The following PTPRZ1 variants were observed in gnomAD, a reference collection of about 807,000 sequenced individuals.
PTPRZ1 encodes receptor-type tyrosine-protein phosphatase zeta.
In PTPRZ1, 82 loss-of-function variants were observed where a neutral mutation model predicts 214.1. The observed-to-expected ratio is 0.38, with a 90% CI of 0.32 to 0.46. PTPRZ1 has a LOEUF of 0.46. Among genes scored for constraint, PTPRZ1 ranks in the 20% least tolerant of loss-of-function variants. The pLI, the probability that PTPRZ1 is intolerant of heterozygous loss-of-function variation, is 1.00. For missense variants in PTPRZ1, 2,603 were observed against 2,748.7 expected (o/e 0.95, Z 1.19); for synonymous variants, 945 against 987.9 (o/e 0.96, Z 0.81).
At chr7:121,965,225 G>T (rs1797009422) in intron 2 of PTPRZ1, among the ~76,000 whole-genome samples, 1 of 152,104 alleles carries the variant, frequency 6.6e-6, no homozygotes. Flanking sequence ...TTCTGCTTAG[G>T]GTCTCACAAA....
At position 122,054,945 on chromosome 7, in the gene PTPRZ1, A is replaced by G; in HGVS notation, c.6386A>G (p.Glu2129Gly). 6.3e-7 allele frequency: 1 copy of G among 1,594,770 alleles called. No individual in the cohort carries two copies. The highest frequency in any genetic ancestry group is 8.5e-7 in the Non-Finnish European group (1 of 1,172,592). The change falls in exon 27 of 30, where the codon GAA becomes GGA. Residue 2129 changes from glutamate (E) to glycine (G), a missense_variant. Physicochemically the swap from Glu to Gly is moderately conservative, Grantham distance 98. This residue lies in a region of PTPRZ1 where 134 missense variants were observed against 183.3 expected (regional missense o/e 0.73). Transcript: ENST00000393386. ...CTTTCATTTGCAATTCTGCAGGCAG[A>G]AGATGAATTTGTTTACTGGCCAAAT... ...VMIPDGQNMA[E>G]DEFVYWPNKD...
chr7:122,043,241 G>A (rs1310029336), intron 22 of PTPRZ1, among the ~76,000 whole-genome samples: 1 of 152,124 alleles, frequency 6.6e-6, no homozygotes, highest in Admixed American at 6.5e-5. Flanking sequence ...TGTCATGAAT[G>A]AGCCAGATAA....
chr7:121,911,772 CT>C (rs3069078), intron 1 of PTPRZ1, among the ~76,000 whole-genome samples: 2 of 151,470 alleles, frequency 1.3e-5, no homozygotes, highest in African/African-American at 4.8e-5. Flanking sequence ...ATTTTGGAAA[CT>C]TTAATTTTAT....
intron 11 of PTPRZ1, among the ~76,000 whole-genome samples, chr7:122,006,955 C>G (rs1798507665): frequency 6.6e-6 from 1 of 152,042 alleles, no homozygotes; most frequent in South Asian, 2.1e-4. Flanking sequence ...GAGAATGGCA[C>G]AGCAGATGCT....
chr7:122,009,277 A>G (rs528693718), intron 11 of PTPRZ1, among the ~76,000 whole-genome samples: 2 of 152,206 alleles, frequency 1.3e-5, no homozygotes, highest in East Asian at 3.9e-4. Context: ...TCATGAGCAC[A>G]CACAGCTTAA....
At chr7:121,887,368 C>G (rs972700762) in intron 1 of PTPRZ1, among the ~76,000 whole-genome samples, 16 of 152,108 alleles carry the variant, frequency 1.1e-4, no homozygotes, top group African/African-American at 3.9e-4. Flanking sequence ...TTCTGTACCC[C>G]CATTTGGCAG....
intron 27 of PTPRZ1, among the ~76,000 whole-genome samples, chr7:122,057,979 C>CATATAT (rs889083888): frequency 1.4e-5 from 2 of 146,926 alleles, no homozygotes; most frequent in African/African-American, 5.1e-5. Context: ...TATATATATA[C>CATATAT]ATATATATAT....
chr7:121,997,838 A>G (rs1321920533), intron 9 of PTPRZ1, 42 bp from the exon 10 acceptor site: 7 of 1,562,324 alleles, frequency 4.5e-6, no homozygotes, highest in East Asian at 2.3e-5. Context: ...TGGTAGTCCT[A>G]TGAGAATAAC....
At chr7:121,942,818 T>C (rs1267531146) in intron 2 of PTPRZ1, among the ~76,000 whole-genome samples, 2 of 152,232 alleles carry the variant, frequency 1.3e-5, no homozygotes, top group African/African-American at 2.4e-5. Context: ...AATTAATATT[T>C]GGCCTTAAAT....
chr7:122,012,359 C>T lies in PTPRZ1; in HGVS notation c.3313C>T (p.His1105Tyr). 6.2e-7 allele frequency: 1 copy of T among 1,613,916 alleles called. No homozygotes were observed. Among genetic ancestry groups the T allele is most frequent in the South Asian group, 1.1e-5 (1 of 91,060 alleles). Reference protein sequence around the residue: ...TKGMFPGSLAHTTTKVFDHEI... With the variant: ...TKGMFPGSLAYTTTKVFDHEI... ...GGGCATGTTTCCAGGGTCCCTTGCTCATACCACCACTAAGGTTTTTGATCA... is the reference window on the plus strand; with the variant it reads ...GGGCATGTTTCCAGGGTCCCTTGCTTATACCACCACTAAGGTTTTTGATCA... The change falls in exon 12 of 30, where the codon CAT (histidine) becomes TAT (tyrosine). Residue 1105 changes from histidine (H) to tyrosine (Y), a missense_variant. Physicochemically the swap from His to Tyr is moderately conservative, Grantham distance 83 (BLOSUM62 2). Around this residue, in one of 6 missense-constraint regions of PTPRZ1, gnomAD observed 1,913 missense variants for 1,914.3 expected, o/e 1.00. Transcript: ENST00000393386.
chr7:121,878,517 G>T (rs1325724054), intron 1 of PTPRZ1, among the ~76,000 whole-genome samples: 1 of 152,186 alleles, frequency 6.6e-6, no homozygotes. Flanking sequence ...ACATGATGGG[G>T]CCTTTGGTAG....
At chr7:121,914,870 G>C (rs950071807) in intron 1 of PTPRZ1, among the ~76,000 whole-genome samples, 19 of 152,156 alleles carry the variant, frequency 1.2e-4, no homozygotes, top group Non-Finnish European at 2.8e-4. Context: ...TCATGTGCCA[G>C]GCACCATGCT....
chr7:121,973,528 T>C (rs898002224), intron 4 of PTPRZ1, among the ~76,000 whole-genome samples: 2 of 152,206 alleles, frequency 1.3e-5, no homozygotes, highest in Non-Finnish European at 2.9e-5. Context: ...ATATATAAAT[T>C]ATTTAACTTA....
chr7:121,929,363 A>AT (rs372989890), intron 2 of PTPRZ1, among the ~76,000 whole-genome samples: 1 of 151,972 alleles, frequency 6.6e-6, no homozygotes, highest in Non-Finnish European at 1.5e-5. Flanking sequence ...CCATTGAATA[A>AT]TTTTTTTATT....
At chr7:121,975,019 C>A (rs754203707) in intron 4 of PTPRZ1, among the ~76,000 whole-genome samples, 1 of 152,012 alleles carries the variant, frequency 6.6e-6, no homozygotes, top group Non-Finnish European at 1.5e-5. Context: ...GATCCCATTT[C>A]TACAAAAAAT....
intron 2 of PTPRZ1, among the ~76,000 whole-genome samples, chr7:121,937,918 C>G (rs575689745): frequency 2.6e-5 from 4 of 152,174 alleles, no homozygotes; most frequent in African/African-American, 9.6e-5. Context: ...TTGTAAGTGC[C>G]AATCTGATAT....
chr7:122,040,309 A>G (rs1414551854), intron 20 of PTPRZ1, among the ~76,000 whole-genome samples: 1 of 152,254 alleles, frequency 6.6e-6, no homozygotes, highest in African/African-American at 2.4e-5. Flanking sequence ...TACATTTTTA[A>G]GAATTGACTC....
intron 6 of PTPRZ1, among the ~76,000 whole-genome samples, chr7:121,980,786 C>A (rs1797582041): frequency 6.6e-6 from 1 of 152,148 alleles, no homozygotes; most frequent in South Asian, 2.1e-4. Flanking sequence ...GAGTTTACAG[C>A]TGGAATAGAC....
intron 15 of PTPRZ1, among the ~76,000 whole-genome samples, chr7:122,032,676 C>T (rs2150470180): frequency 6.6e-6 from 1 of 151,890 alleles, no homozygotes; most frequent in Middle Eastern, 3.4e-3. Flanking sequence ...TTTAGGGAGG[C>T]AAAATGTTAT....
Sources: gnomAD v4.1 joint callset for allele counts (sites outside exome capture counted in the v4.1 genomes callset) on GRCh38, gnomAD v4.1.1 for gene constraint, gnomAD v4.1.1 regional missense constraint, MANE v1.5 for transcripts, NCBI Gene and HGNC (gene_info 2026-07-23, HGNC 2026-07-21) for gene names.